The following NECAB2 variants were observed in gnomAD, a reference collection of about 807,000 sequenced individuals.
The protein encoded by NECAB2 is N-terminal EF-hand calcium-binding protein 2.
NECAB2 carries 68 observed loss-of-function variants against 51.9 expected under a neutral mutation model. The ratio of observed to expected loss-of-function variants is 1.31; its 90% CI spans 1.08 to 1.60. The LOEUF (loss-of-function observed/expected upper bound fraction) is 1.60. Ranked by LOEUF, NECAB2 falls within the 40% of genes most tolerant of loss-of-function variation. The probability of loss-of-function intolerance (pLI) is 0.00; values close to 1 mark genes in which losing one functional copy is unlikely to be tolerated. For synonymous variants in NECAB2, 329 were observed against 203.5 expected (o/e 1.62, Z -5.25); for missense variants, 854 against 490.3 (o/e 1.74, Z -7.00).
intron 6 of NECAB2, chr16:83,993,620 C>CTGTGTG (rs57610964): frequency 0.015 from 2,053 of 135,416 alleles, 26 homozygotes; most frequent in Non-Finnish European, 0.019. Context: ...GCAAGGTGAG[C>CTGTGTG]TGTGTGTGTG....
rs779978044 is a variant in NECAB2 at position 83,968,819 on chromosome 16, G to T, written c.171G>T (p.Ser57=). The part of the protein sequence containing the change: ...PAAPADPGPA[S]PRGGTAVILD... Reference sequence around the variant, plus strand: ...CCCCCGCGGACCCCGGCCCAGCCTCGCCGCGCGGGGGCACCGCCGTCATCC... The same window carrying T: ...CCCCCGCGGACCCCGGCCCAGCCTCTCCGCGCGGGGGCACCGCCGTCATCC... Residue 57 remains serine (S), a synonymous_variant, in exon 1 of 13, where the codon TCG becomes TCT. Coordinates refer to ENST00000305202, the MANE Select transcript of NECAB2 (RefSeq NM_019065.3). The T allele has an allele frequency of 8.9e-7, 1 of 1,122,008 alleles. No homozygotes were observed. 69.5% of individuals were successfully genotyped at this position (1,122,008 alleles called of 1,614,324 possible). A position where few individuals can be genotyped will look rare whatever the true frequency, so the allele number is the denominator to read the frequency against.
At chr16:83,978,976 A>T (rs1342974892) in intron 3 of NECAB2, among the ~76,000 whole-genome samples, 1 of 152,114 alleles carries the variant, frequency 6.6e-6, no homozygotes, top group Non-Finnish European at 1.5e-5. Flanking sequence ...TGTTAAACCA[A>T]ACACGAATCC....
Position 83,998,513 on chromosome 16 carries a change from A to C in NECAB2, c.962+196A>C, listed in dbSNP as rs570165029. 3.3e-3 allele frequency among the ~76,000 whole-genome samples: 503 copies of C among 152,228 alleles called. 3 individuals are homozygous for C. Among genetic ancestry groups the C allele is most frequent in the African/African-American group, 0.012 (486 of 41,534 alleles). Reference sequence around the variant, plus strand: ...CCAAGCAAATGTGGCAGGTGTCTTCATCTCCCTGGCATCAGCTTACTCATC... The same window carrying C: ...CCAAGCAAATGTGGCAGGTGTCTTCCTCTCCCTGGCATCAGCTTACTCATC... On this transcript the variant is annotated intron_variant, in intron 10 of 12. Transcript: ENST00000305202.
chr16:83,970,070 A>AC (rs1389157357), intron 1 of NECAB2, among the ~76,000 whole-genome samples: 2 of 151,842 alleles, frequency 1.3e-5, no homozygotes, highest in East Asian at 3.9e-4. Context: ...CCTCCTCAGG[A>AC]CCCCCGCAGA....
chr16:84,000,011 T>C (rs2084792992), intron 10 of NECAB2, among the ~76,000 whole-genome samples: 1 of 151,898 alleles, frequency 6.6e-6, no homozygotes, highest in African/African-American at 2.4e-5. Flanking sequence ...CTCAGTGTCC[T>C]GCATCGCTGG....
rs1028457130 is a variant in NECAB2, at chr16:83,996,975, C to A, written c.796-241C>A. On this transcript the variant is annotated intron_variant, in intron 8 of 12. Coordinates refer to ENST00000305202, the MANE Select transcript of NECAB2 (RefSeq NM_019065.3). ...TAGTGGCAAACCCCAGCATCTTGGACTCAGGCCTCTGGAGTCCCCCTTGCT... is the reference window on the plus strand; with the variant it reads ...TAGTGGCAAACCCCAGCATCTTGGAATCAGGCCTCTGGAGTCCCCCTTGCT... Among the ~76,000 whole-genome samples the A allele has an allele frequency of 3.3e-5, 5 of 150,958 alleles. No homozygotes were observed. The South Asian group carries it at 1.0e-3, about 31-fold the overall frequency.
At chr16:83,976,947 C>T (rs77723110) in intron 2 of NECAB2, among the ~76,000 whole-genome samples, 1,826 of 152,338 alleles carry the variant, frequency 0.012, 19 homozygotes, top group South Asian at 0.025. Context: ...CATTCTCAAC[C>T]CAAGTACGTC....
intron 9 of NECAB2, among the ~76,000 whole-genome samples, chr16:83,997,656 T>G (rs1040853964): frequency 3.3e-5 from 5 of 151,472 alleles, no homozygotes; most frequent in African/African-American, 9.7e-5. Context: ...CCTGGCTAAT[T>G]TTTTTGGTAT....
chr16:83,990,814 C>T (rs1420279077), intron 6 of NECAB2, among the ~76,000 whole-genome samples, 184 bp downstream of exon 6: 1 of 152,022 alleles, frequency 6.6e-6, no homozygotes, highest in East Asian at 1.9e-4. Flanking sequence ...CCTAAAATCT[C>T]AGCCATTGCA....
chr16:83,997,214 A>G lies in NECAB2; in HGVS notation c.796-2A>G. ...GCATCACTGTGTGCTGGATTGTTTC[A>G]GGCACTGTGGTTCGACCTGCAGCAG... On this transcript the variant is annotated splice_acceptor_variant, in intron 8 of 12. Coordinates refer to ENST00000305202, the MANE Select transcript of NECAB2 (RefSeq NM_019065.3). LOFTEE classifies it high-confidence loss of function. 2 of 1,614,106 alleles carry G rather than the reference A, an allele frequency of 1.2e-6. No homozygotes were observed. The highest frequency in any genetic ancestry group is 1.6e-4 in the Middle Eastern group (1 of 6,062).
At position 83,968,779 on chromosome 16, in the gene NECAB2, C is replaced by T; in HGVS notation, c.131C>T (p.Ser44Leu). 9.0e-7 allele frequency: 1 copy of T among 1,107,312 alleles called. No homozygotes were observed. Among genetic ancestry groups the T allele is most frequent in the Non-Finnish European group, 1.1e-6 (1 of 910,056 alleles). 68.6% of individuals were successfully genotyped at this position (1,107,312 alleles called of 1,614,324 possible). A position where few individuals can be genotyped will look rare whatever the true frequency, so the allele number is the denominator to read the frequency against. The change falls in exon 1 of 13, where the codon TCG (serine) becomes TTG (leucine). Residue 44 changes from serine (S) to leucine (L), a missense_variant. Coordinates refer to ENST00000305202, the MANE Select transcript of NECAB2 (RefSeq NM_019065.3). ...GCCAGGATGGGCGAGCCCCGGGAGT[C>T]GCTGGCCCCCGCCGCCCCCGCGGAC... Reference protein sequence around the residue: ...VGARMGEPRESLAPAAPADPG... With the variant: ...VGARMGEPRELLAPAAPADPG...
At chr16:83,998,349 G>A (rs748460976) in intron 10 of NECAB2, 32 bp downstream of exon 10, 94 of 1,601,046 alleles carry the variant, frequency 5.9e-5, no homozygotes, top group Non-Finnish European at 5.9e-5. Flanking sequence ...GGGTGGGATG[G>A]TGGCAGGGAG....
chr16:84,002,032 G>A, intron 12 of NECAB2, 116 bp downstream of exon 12: 1 of 1,228,044 alleles, frequency 8.1e-7, no homozygotes, highest in Non-Finnish European at 1.2e-6. Context: ...CCCACTGTCA[G>A]CTCCTGCCAC....
rs533076561 is a variant in NECAB2 at position 83,981,247 on chromosome 16, G to T, written c.459+120G>T. The T allele has an allele frequency of 5.8e-5, 48 of 827,662 alleles. No individual in the cohort carries two copies. In the South Asian group the frequency reaches 7.2e-4, roughly 12 times the overall value. The allele number at this position is 827,662 out of a possible 1,614,324, so 51.3% of individuals were successfully genotyped here. Reference sequence around the variant, plus strand: ...GCCAGGGAGGCCTATCTCAGGGGTGGGCTTTGCCTGGGCCTCTTTGAAGCA... The same window carrying T: ...GCCAGGGAGGCCTATCTCAGGGGTGTGCTTTGCCTGGGCCTCTTTGAAGCA... On this transcript the variant is annotated intron_variant, in intron 5 of 12. Transcript: ENST00000305202.
Position 83,998,257 on chromosome 16 carries a change from A to G in NECAB2, c.902A>G (p.Glu301Gly). 3 of 1,613,074 alleles carry G rather than the reference A, an allele frequency of 1.9e-6. No individual in the cohort carries two copies. The highest frequency in any genetic ancestry group is 2.5e-6 in the Non-Finnish European group (3 of 1,180,002). Reference protein sequence around the residue: ...EMAVCPEQLSEFLDSLRQYLR... With the variant: ...EMAVCPEQLSGFLDSLRQYLR... ...GCCGTGTGCCCCGAGCAACTGAGCG[A>G]GTTTCTGGACTCTCTGCGCCAGTAT... Residue 301 changes from glutamate (E) to glycine (G), a missense_variant, in exon 10 of 13, where the codon GAG (glutamate) becomes GGG (glycine). Physicochemically the swap from Glu to Gly is moderately conservative, Grantham distance 98. Coordinates refer to ENST00000305202, the MANE Select transcript of NECAB2 (RefSeq NM_019065.3).
upstream of NECAB2, chr16:83,965,342 A>T: frequency 6.4e-7 from 1 of 1,571,246 alleles, no homozygotes; most frequent in Non-Finnish European, 8.6e-7. Flanking sequence ...CCGGCTGGGC[A>T]TCCCCGGGGA....
chr16:84,002,246 A>G, intron 12 of NECAB2, 72 bp from the exon 13 acceptor site: 1 of 1,564,110 alleles, frequency 6.4e-7, no homozygotes, highest in East Asian at 2.2e-5. Context: ...CTGTCATTCA[A>G]GACGACCACC....
rs930045291 is a variant in NECAB2, at chr16:83,984,217, C to A, written c.459+3090C>A. Among the ~76,000 whole-genome samples the A allele has an allele frequency of 3.3e-5, 5 of 151,548 alleles. No homozygotes were observed. The East Asian group carries it at 9.8e-4, about 30-fold the overall frequency. On this transcript the variant is annotated intron_variant, in intron 5 of 12. Coordinates refer to ENST00000305202, the MANE Select transcript of NECAB2 (RefSeq NM_019065.3). ...TCATCGTGTTAGCCAGGATGGTCTC[C>A]ATCTCCTGACCTCGTGATCTGTCCT...
At chr16:84,001,426 G>C (rs4997519) in intron 11 of NECAB2, among the ~76,000 whole-genome samples, 34,375 of 151,962 alleles carry the variant, frequency 0.23, 8,188 homozygotes, top group African/African-American at 0.61. Context: ...AACAGGGGCG[G>C]TCATGAGAAG....
Sources: allele counts gnomAD v4.1 joint callset (sites outside exome capture counted in the v4.1 genomes callset), GRCh38; gene constraint gnomAD v4.1.1; transcripts MANE v1.5; gene names NCBI Gene and HGNC (gene_info 2026-07-23, HGNC 2026-07-21).